The following FOCAD variants were observed in gnomAD, a reference collection of about 807,000 sequenced individuals.
The protein encoded by FOCAD is KIAA1797.
Under a neutral mutation model 225.6 loss-of-function variants are expected in FOCAD, and 198 were observed. That is an observed-to-expected ratio of 0.88 (90% CI 0.78 to 0.99). The LOEUF (loss-of-function observed/expected upper bound fraction) is 0.99, where lower values mean the gene tolerates loss of function less well. FOCAD is among the 50% of genes least tolerant of loss of function. The pLI is 0.00. For synonymous variants in FOCAD, 897 were observed against 755.0 expected (o/e 1.19, Z -3.08); for missense variants, 2,713 against 2,123.6 (o/e 1.28, Z -5.46).
chr9:20,660,829 A>G (rs2131254359), intron 2 of FOCAD, among the ~76,000 whole-genome samples: 1 of 152,256 alleles, frequency 6.6e-6, no homozygotes, highest in African/African-American at 2.4e-5. Flanking sequence ...AAAAGAGCAT[A>G]CAGAAATAAA....
chr9:20,981,457 C>T lies in FOCAD; in HGVS notation c.4409C>T (p.Ala1470Val), dbSNP rs781606770. Residue 1470 changes from alanine (A) to valine (V), a missense_variant, in exon 38 of 44, where the codon GCA becomes GTA. Coordinates refer to ENST00000338382, the MANE Select transcript of FOCAD (RefSeq NM_001375567.1). ...LNTKRYLLIS[A>V]PLWIKHISDE... ...ACCAAGAGATATCTCCTGATATCTG[C>T]ACCTCTGTGGATAAAACACATCTCT... 6.2e-7 allele frequency: 1 copy of T among 1,614,078 alleles called. No individual in the cohort carries two copies. The highest frequency in any genetic ancestry group is 1.7e-4 in the Middle Eastern group (1 of 6,058).
intron 8 of FOCAD, among the ~76,000 whole-genome samples, chr9:20,775,914 G>A (rs1818710680): frequency 6.6e-6 from 1 of 151,212 alleles, no homozygotes; most frequent in Non-Finnish European, 1.5e-5. Flanking sequence ...TTATTTTATT[G>A]TATTTTATTT....
chr9:20,968,524 C>A (rs571737995), intron 35 of FOCAD, among the ~76,000 whole-genome samples: 1 of 135,696 alleles, frequency 7.4e-6, no homozygotes, highest in Non-Finnish European at 1.5e-5. Flanking sequence ...TCACTGCAAC[C>A]TCCACCTCCT....
intron 15 of FOCAD, among the ~76,000 whole-genome samples, chr9:20,852,307 C>T (rs891030602): frequency 9.9e-5 from 15 of 151,660 alleles, no homozygotes; most frequent in African/African-American, 3.6e-4. Context: ...TAAGAAGGAA[C>T]TTGTTTGTTT....
chr9:20,807,862 C>T (rs760004348), intron 11 of FOCAD, among the ~76,000 whole-genome samples: 18 of 152,066 alleles, frequency 1.2e-4, no homozygotes, highest in Non-Finnish European at 1.6e-4. Context: ...CCAGCCTGGC[C>T]GACACAGTGA....
chr9:20,988,909 T>C (rs1841419052), intron 41 of FOCAD, among the ~76,000 whole-genome samples: 1 of 152,188 alleles, frequency 6.6e-6, no homozygotes, highest in African/African-American at 2.4e-5. Flanking sequence ...ATCTTATGTG[T>C]GCCAATACTT....
At chr9:20,865,242 T>G (rs1271913435) in intron 16 of FOCAD, among the ~76,000 whole-genome samples, 4 of 152,026 alleles carry the variant, frequency 2.6e-5, no homozygotes, top group Non-Finnish European at 5.9e-5. Context: ...AAATTATTTG[T>G]GCTATTGGAC....
In FOCAD at chr9:20,982,377, T is replaced by C; in HGVS notation, c.4659T>C (p.Tyr1553=). The change falls in exon 39 of 44, where the codon TAT becomes TAC. Residue 1553 remains tyrosine, a synonymous_variant. Transcript: ENST00000338382. ...NKIRRKDLEL[Y]ISIAKCLLEM... ...ATCAGAGAAAGGATCTAGAGCTGTA[T>C]ATCAGCATAGCAAAATGCCTCTTAG... is the stretch of plus-strand genomic sequence containing the variant. 6.2e-7 allele frequency: 1 copy of C among 1,613,570 alleles called. No homozygotes were observed. The highest frequency in any genetic ancestry group is 1.1e-5 in the South Asian group (1 of 91,062).
intron 15 of FOCAD, among the ~76,000 whole-genome samples, chr9:20,843,733 AG>A (rs1826788941): frequency 6.6e-6 from 1 of 152,094 alleles, no homozygotes; most frequent in African/African-American, 2.4e-5. Flanking sequence ...GATTTTCCTT[AG>A]ATTTTCCTTC....
chr9:20,808,993 CA>C (rs34611530), intron 11 of FOCAD, among the ~76,000 whole-genome samples: 1 of 152,066 alleles, frequency 6.6e-6, no homozygotes, highest in Non-Finnish European at 1.5e-5. Context: ...TATATTCCCC[CA>C]AAAAATGTAT....
chr9:20,806,278 A>G (rs956418759), intron 11 of FOCAD, among the ~76,000 whole-genome samples: 8 of 152,192 alleles, frequency 5.3e-5, no homozygotes, highest in African/African-American at 1.9e-4. Context: ...GTATTATTTT[A>G]AATTTGAATG....
intron 5 of FOCAD, among the ~76,000 whole-genome samples, chr9:20,755,785 C>T (rs1265950125): frequency 6.6e-6 from 1 of 152,084 alleles, no homozygotes; most frequent in African/African-American, 2.4e-5. Flanking sequence ...TCTGCTGTTT[C>T]TTCCTTTTTA....
chr9:20,774,011 A>G lies in FOCAD; in HGVS notation c.906+3773A>G, dbSNP rs143401488. The stretch of plus-strand genomic sequence containing the variant: ...CATCTCCTGTCAGATCAGCCGATGC[A>G]TTAGATTCTCACAGGAGCATGAACC... On this transcript the variant is annotated intron_variant, in intron 8 of 43. Coordinates refer to ENST00000338382, the MANE Select transcript of FOCAD (RefSeq NM_001375567.1). Among the ~76,000 whole-genome samples, 7 of 152,328 alleles carry G rather than the reference A, an allele frequency of 4.6e-5. No individual in the cohort carries two copies. In the East Asian group the frequency reaches 5.8e-4, roughly 13 times the overall value.
At chr9:20,771,782 A>T (rs1223419152) in intron 8 of FOCAD, among the ~76,000 whole-genome samples, 1 of 152,176 alleles carries the variant, frequency 6.6e-6, no homozygotes, top group East Asian at 1.9e-4. Flanking sequence ...AAATAAAATT[A>T]TTTCTCAAAG....
At chr9:20,788,394 A>G (rs1820164082) in intron 10 of FOCAD, among the ~76,000 whole-genome samples, 1 of 152,216 alleles carries the variant, frequency 6.6e-6, no homozygotes, top group Non-Finnish European at 1.5e-5. Flanking sequence ...ATGGTTGCAC[A>G]GCTCTAGGAA....
rs1484436022 is a variant in FOCAD at position 20,995,676 on chromosome 9, C to T, written c.*47C>T. On this transcript the variant is annotated 3_prime_UTR_variant, in exon 44 of 44. Coordinates refer to ENST00000338382, the MANE Select transcript of FOCAD (RefSeq NM_001375567.1). The stretch of plus-strand genomic sequence containing the variant: ...GCATTCTCAGCTGGATGAGGAAAAC[C>T]ATATAAGTGGAAGAAGTTTTTCAGA... 6 of 1,545,118 alleles carry T rather than the reference C, an allele frequency of 3.9e-6. No individual in the cohort carries two copies. In the East Asian group the frequency reaches 6.8e-5, roughly 17 times the overall value.
chr9:20,862,933 T>G (rs1323292931), intron 16 of FOCAD: 2 of 357,644 alleles, frequency 5.6e-6, no homozygotes, highest in Non-Finnish European at 9.9e-6. Flanking sequence ...ATGAGAGTAT[T>G]GTCAAGATTT....
intron 15 of FOCAD, among the ~76,000 whole-genome samples, chr9:20,826,368 A>G (rs1433049970): frequency 1.3e-5 from 2 of 152,080 alleles, no homozygotes; most frequent in African/African-American, 4.8e-5. Flanking sequence ...CTCGAACATC[A>G]GACTCCAAGT....
In FOCAD at chr9:20,976,365, C is replaced by T. The variant is rs200005604; in HGVS notation, c.4133-55C>T. ...GAAAGAAGGAATTGTTGGCATTTTC[C>T]ACTTCCATGATAGTATGCAGGTGTT... On this transcript the variant is annotated intron_variant, in intron 35 of 43. Coordinates refer to ENST00000338382, the MANE Select transcript of FOCAD (RefSeq NM_001375567.1). 1.6e-3 allele frequency: 2,547 copies of T among 1,553,734 alleles called. 5 individuals carry two copies. Among genetic ancestry groups the T allele is most frequent in the South Asian group, 3.8e-3 (334 of 87,110 alleles).
Sources: allele counts gnomAD v4.1 joint callset (sites outside exome capture counted in the v4.1 genomes callset), GRCh38; gene constraint gnomAD v4.1.1; transcripts MANE v1.5; gene names NCBI Gene and HGNC (gene_info 2026-07-23, HGNC 2026-07-21).